FHIT: variants seen among roughly 807,000 people sequenced by gnomAD.
The protein encoded by FHIT is bis(5'-adenosyl)-triphosphatase.
In FHIT, 19 loss-of-function variants were observed where a neutral mutation model predicts 17.9. The ratio of observed to expected loss-of-function variants is 1.06; its 90% CI spans 0.74 to 1.56. The LOEUF (loss-of-function observed/expected upper bound fraction) is 1.56, where lower values mean the gene tolerates loss of function less well. Ranked by LOEUF, FHIT falls within the 40% of genes most tolerant of loss-of-function variation. FHIT has a pLI of 0.00. For synonymous variants in FHIT, 81 were observed against 69.7 expected, an observed-to-expected ratio of 1.16 and a Z score of -0.81; for missense variants, 248 against 189.2, an observed-to-expected ratio of 1.31 and a Z score of -1.82.
At chr3:61,134,164 G>C (rs754934742) in intron 2 of FHIT, among the ~76,000 whole-genome samples, 3 of 149,430 alleles carry the variant, frequency 2.0e-5, no homozygotes, top group Non-Finnish European at 4.5e-5. Flanking sequence ...TCAAGAAAGA[G>C]AAAGTGCTTA....
In FHIT at chr3:60,158,468, G is replaced by C. The variant is rs1700802580; in HGVS notation, c.104-144316C>G. 3.3e-5 allele frequency among the ~76,000 whole-genome samples: 5 copies of C among 152,020 alleles called. 1 individual carries two copies. In the South Asian group the frequency reaches 1.0e-3, roughly 32 times the overall value. On this transcript the variant is annotated intron_variant, in intron 5 of 9. Transcript: ENST00000492590. ...CTAGGATTACAGGCACCTGCCACCA[G>C]GCCTAGCTAATTTTTGTATTTTTAG... is the stretch of plus-strand genomic sequence containing the variant.
rs559738098 is a variant in FHIT, at chr3:60,457,211, T to C, written c.103+79649A>G. On this transcript the variant is annotated intron_variant, in intron 5 of 9. Transcript: ENST00000492590. ...CAAGGCTACAGTAACCAAAACAGCA[T>C]GGTACTGGTACCAAAACAGAGATAT... Among the ~76,000 whole-genome samples, 75 of 152,046 alleles carry C rather than the reference T, an allele frequency of 4.9e-4. No individual in the cohort carries two copies. In the South Asian group the frequency reaches 5.6e-3, roughly 11 times the overall value.
At chr3:60,425,450 G>A (rs745522246) in intron 5 of FHIT, among the ~76,000 whole-genome samples, 3 of 151,942 alleles carry the variant, frequency 2.0e-5, no homozygotes, top group Non-Finnish European at 4.4e-5. Flanking sequence ...TCATTACCTG[G>A]ATGGTGAAGT....
intron 4 of FHIT, among the ~76,000 whole-genome samples, chr3:60,751,411 A>T (rs2108032027): frequency 6.6e-6 from 1 of 152,358 alleles, no homozygotes; most frequent in South Asian, 2.1e-4. Flanking sequence ...AGAATCACAT[A>T]TATCCAGTAT....
chr3:60,787,818 T>C (rs1553727384), intron 4 of FHIT, among the ~76,000 whole-genome samples: 1 of 152,214 alleles, frequency 6.6e-6, no homozygotes, highest in African/African-American at 2.4e-5. Flanking sequence ...TCTTGCTCCA[T>C]CTCTCATACT....
intron 2 of FHIT, among the ~76,000 whole-genome samples, chr3:61,099,540 G>C (rs1447699073): frequency 1.3e-5 from 2 of 152,024 alleles, no homozygotes; most frequent in African/African-American, 4.8e-5. Context: ...AATCCATCTG[G>C]TCCTGGGCTT....
At chr3:60,841,610 T>C (rs1390487215) in intron 3 of FHIT, among the ~76,000 whole-genome samples, 1 of 152,212 alleles carries the variant, frequency 6.6e-6, no homozygotes, top group African/African-American at 2.4e-5. Context: ...AGAAACCTGG[T>C]TGGGCTGGGC....
At chr3:60,491,759 T>G (rs1319811279) in intron 5 of FHIT, among the ~76,000 whole-genome samples, 1 of 152,178 alleles carries the variant, frequency 6.6e-6, no homozygotes, top group Non-Finnish European at 1.5e-5. Context: ...AAGAAAACCT[T>G]TACACAAATA....
At chr3:60,916,561 C>T (rs1553767139) in intron 3 of FHIT, among the ~76,000 whole-genome samples, 1 of 152,212 alleles carries the variant, frequency 6.6e-6, no homozygotes, top group Admixed American at 6.5e-5. Context: ...CCCACTGCAT[C>T]ACCATCCTCA....
intron 3 of FHIT, among the ~76,000 whole-genome samples, chr3:61,016,884 A>C (rs867118363): frequency 6.6e-6 from 1 of 152,244 alleles, no homozygotes; most frequent in African/African-American, 2.4e-5. Context: ...AAATAACAAA[A>C]TGGGTGTATA....
chr3:60,730,074 A>C (rs1553710731), intron 4 of FHIT: 1 of 507,090 alleles, frequency 2.0e-6, no homozygotes, highest in East Asian at 5.6e-5. Flanking sequence ...GGACTTCAAA[A>C]AATCTCTTCA....
At chr3:60,067,831 G>A (rs1702586039) in intron 5 of FHIT, among the ~76,000 whole-genome samples, 1 of 152,224 alleles carries the variant, frequency 6.6e-6, no homozygotes. Flanking sequence ...CTGCCTAACA[G>A]TGATGGTGGG....
At chr3:60,413,455 T>C (rs1702137677) in intron 5 of FHIT, among the ~76,000 whole-genome samples, 1 of 152,114 alleles carries the variant, frequency 6.6e-6, no homozygotes, top group Admixed American at 6.6e-5. Flanking sequence ...GCCAATAGAG[T>C]TAAAGGTCTT....
intron 5 of FHIT, among the ~76,000 whole-genome samples, chr3:60,046,209 T>C (rs934541471): frequency 1.3e-5 from 2 of 152,188 alleles, no homozygotes; most frequent in Non-Finnish European, 1.5e-5. Context: ...CTACTTTCCA[T>C]TGCCTTTTTC....
chr3:60,226,569 A>C (rs1025270953), intron 5 of FHIT, among the ~76,000 whole-genome samples: 1 of 151,746 alleles, frequency 6.6e-6, no homozygotes, highest in African/African-American at 2.4e-5. Context: ...GTTGCTGCAC[A>C]CAATGATTGC....
intron 5 of FHIT, among the ~76,000 whole-genome samples, chr3:60,061,151 G>A (rs1576004338): frequency 1.3e-5 from 2 of 151,652 alleles, no homozygotes; most frequent in Non-Finnish European, 1.5e-5. Context: ...AGAGTAGGAC[G>A]TTTTCTAACA....
chr3:60,120,442 A>G (rs1705195901), intron 5 of FHIT, among the ~76,000 whole-genome samples: 1 of 152,240 alleles, frequency 6.6e-6, no homozygotes, highest in Non-Finnish European at 1.5e-5. Flanking sequence ...ATTAGGTTTC[A>G]CCATGGAAGG....
intron 4 of FHIT, among the ~76,000 whole-genome samples, chr3:60,813,530 A>G (rs17064029): frequency 0.09 from 13,682 of 152,126 alleles, 671 homozygotes; most frequent in African/African-American, 0.11. Context: ...AAACATATAC[A>G]ACGCATTAAA....
At chr3:60,183,683 G>A (rs1413165741) in intron 5 of FHIT, among the ~76,000 whole-genome samples, 3 of 152,062 alleles carry the variant, frequency 2.0e-5, no homozygotes, top group African/African-American at 4.8e-5. Context: ...AAGTGATGCC[G>A]ACACCCTCTT....
Sources: allele counts gnomAD v4.1 joint callset (sites outside exome capture counted in the v4.1 genomes callset), GRCh38; gene constraint gnomAD v4.1.1; transcripts MANE v1.5; gene names NCBI Gene and HGNC (gene_info 2026-07-23, HGNC 2026-07-21).